The following MASP1 variants were observed in gnomAD, a reference collection of about 807,000 sequenced individuals.
MASP1 encodes MBL associated serine protease 1, also known as mannan-binding lectin serine protease 1.
MASP1 carries 59 observed loss-of-function variants against 77.1 expected under a neutral mutation model. The ratio of observed to expected loss-of-function variants is 0.77; its 90% CI spans 0.62 to 0.95. The LOEUF is 0.95. MASP1 is among the 40% of genes least tolerant of loss of function. The pLI is 0.00. For missense variants in MASP1, 885 were observed against 912.9 expected, an observed-to-expected ratio of 0.97 and a Z score of 0.39; for synonymous variants, 362 against 354.5, an observed-to-expected ratio of 1.02 and a Z score of -0.24.
Position 187,220,599 on chromosome 3 carries a change from G to T in MASP1, c.1910-338C>A, listed in dbSNP as rs186061200. Among the ~76,000 whole-genome samples the T allele has an allele frequency of 2.7e-3, 401 of 147,688 alleles. 9 individuals carry two copies. Among genetic ancestry groups the T allele is most frequent in the Admixed American group, 0.022 (324 of 14,550 alleles). The stretch of plus-strand genomic sequence containing the variant: ...AGCAACCTCTACCTCCTGGGTTCAA[G>T]TGATTCTCCCTCCTCAGCCTCCCGA... On this transcript the variant is annotated intron_variant, in intron 15 of 15. Coordinates refer to the MASP1 transcript ENST00000337774.
intron 2 of MASP1, among the ~76,000 whole-genome samples, chr3:187,279,307 G>C (rs758047063): frequency 6.6e-6 from 1 of 152,178 alleles, no homozygotes; most frequent in Non-Finnish European, 1.5e-5. Context: ...AGAATGGTGG[G>C]GACCCTACCC....
chr3:187,256,487 T>G lies in MASP1; in HGVS notation c.744+177A>C, dbSNP rs1579527105. 8.8e-6 allele frequency: 6 copies of G among 683,124 alleles called. No individual in the cohort carries two copies. In the East Asian group the frequency reaches 1.7e-4, roughly 19 times the overall value. 42.3% of individuals were successfully genotyped at this position (683,124 alleles called of 1,614,324 possible). On this transcript the variant is annotated intron_variant, in intron 5 of 10. Transcript: ENST00000296280. ...CAGTGGGGTCATTTCGGATCAGAGATTCCTGGAATAGATCTAACTAAGATG... is the reference window on the plus strand; with the variant it reads ...CAGTGGGGTCATTTCGGATCAGAGAGTCCTGGAATAGATCTAACTAAGATG...
chr3:187,226,659 A>T, intron 11 of MASP1: 1 of 695,620 alleles, frequency 1.4e-6, no homozygotes, highest in South Asian at 1.5e-5. Context: ...ATTGTATTTT[A>T]TGGCCCCCAA....
At chr3:187,224,144 A>G (rs1005131651) in intron 13 of MASP1, among the ~76,000 whole-genome samples, 1 of 152,192 alleles carries the variant, frequency 6.6e-6, no homozygotes, top group Admixed American at 6.5e-5. Context: ...CACTGAAATT[A>G]GAATGAAAAG....
At chr3:187,278,130 T>C (rs1192157714) in intron 2 of MASP1, among the ~76,000 whole-genome samples, 2 of 152,234 alleles carry the variant, frequency 1.3e-5, no homozygotes, top group East Asian at 1.9e-4. Context: ...AGTAAGTCTA[T>C]GAAATAAGCA....
exon 16 of MASP1, chr3:187,219,823 A>G: frequency 1.8e-6 from 1 of 548,424 alleles, no homozygotes; most frequent in Non-Finnish European, 3.3e-6. Flanking sequence ...AGATGAAGTC[A>G]CCTGCCCAGC....
intron 9 of MASP1, 139 bp from the exon 10 acceptor site, chr3:187,241,694 T>G: frequency 1.5e-6 from 1 of 673,918 alleles, no homozygotes; most frequent in Admixed American, 2.1e-5. Flanking sequence ...TCAGATACGA[T>G]TGTCTCTGAG....
chr3:187,241,500 G>C lies in MASP1; in HGVS notation c.1284C>G (p.Ser428Arg), dbSNP rs1252893893. The C allele has an allele frequency of 6.2e-7, 1 of 1,613,712 alleles. No individual in the cohort carries two copies. The highest frequency in any genetic ancestry group is 8.5e-7 in the Non-Finnish European group (1 of 1,179,684). Residue 428 changes from serine to arginine, a missense_variant, in exon 10 of 11, where the codon AGC (serine) becomes AGG (arginine). Coordinates refer to ENST00000296280, the MANE Select transcript of MASP1 (RefSeq NM_139125.4). ...AGGTACCTGGAAGGCAGGTGGGTAG[G>C]CTTCTCCCCAATACTTTATTCATCC... Reference protein sequence around the residue: ...GVWMNKVLGRSLPTCLPECGQ... With the variant: ...GVWMNKVLGRRLPTCLPECGQ...
chr3:187,290,628 A>C (rs1718235180), intron 1 of MASP1, among the ~76,000 whole-genome samples: 1 of 152,232 alleles, frequency 6.6e-6, no homozygotes, highest in South Asian at 2.1e-4. Flanking sequence ...GAGTTAACAT[A>C]GTCTGAAGCC....
intron 8 of MASP1, chr3:187,247,087 C>T: frequency 7.1e-7 from 1 of 1,406,138 alleles, no homozygotes. Flanking sequence ...AAAATAAATC[C>T]CACATTTTTT....
At chr3:187,244,793 T>A (rs1294151707) in intron 8 of MASP1, 1 of 152,240 alleles carries the variant, frequency 6.6e-6, no homozygotes, top group Admixed American at 6.5e-5. Context: ...CTGTCAGAAT[T>A]TCCAGAGCCC....
At chr3:187,247,622 G>T (rs1579506965) in intron 8 of MASP1, among the ~76,000 whole-genome samples, 2 of 152,310 alleles carry the variant, frequency 1.3e-5, no homozygotes, top group East Asian at 3.9e-4. Flanking sequence ...ATACATCCTG[G>T]CTCATGAGGA....
chr3:187,217,598 C>T (rs1201213062), exon 16 of MASP1: 2 of 152,154 alleles, frequency 1.3e-5, no homozygotes, highest in African/African-American at 2.4e-5. Context: ...AGTTTCTCAT[C>T]AGTAGAAATG....
intron 2 of MASP1, among the ~76,000 whole-genome samples, chr3:187,269,064 CAAAA>C (rs35550567): frequency 2.6e-5 from 3 of 115,436 alleles, no homozygotes; most frequent in Non-Finnish European, 3.6e-5. Flanking sequence ...GACACTGTCT[CAAAA>C]AAAAAAAAAA....
At chr3:187,247,091 A>ATTT in intron 8 of MASP1, 1 of 1,398,018 alleles carries the variant, frequency 7.2e-7, no homozygotes, top group Non-Finnish European at 9.3e-7. Flanking sequence ...TAAATCCCAC[A>ATTT]TTTTTTTTTC....
chr3:187,226,263 A>G (rs968898103), intron 12 of MASP1: 16 of 688,644 alleles, frequency 2.3e-5, no homozygotes, highest in Non-Finnish European at 4.0e-5. Context: ...ACTTGGACTC[A>G]GGTTCCTGGA....
In MASP1 at chr3:187,236,257, T is replaced by G. The variant is rs1319870704; in HGVS notation, c.1614A>C (p.Arg538=). 1 of 1,614,202 alleles carries G rather than the reference T, an allele frequency of 6.2e-7. No homozygotes were observed. The highest frequency in any genetic ancestry group is 1.1e-5 in the South Asian group (1 of 91,074). The change falls in exon 11 of 11, where the codon CGA becomes CGC. Residue 538 remains arginine (R), a synonymous_variant. Coordinates refer to ENST00000296280, the MANE Select transcript of MASP1 (RefSeq NM_139125.4). The part of the protein sequence containing the change: ...KSGAVNSSAA[R]VVLHPDFNIQ... ...TGTTGAAGTCTGGGTGGAGCACCAC[T>G]CGGGCAGCTGAGCTGTTGACTGCCC... is the stretch of plus-strand genomic sequence containing the variant.
chr3:187,253,094 C>A, intron 6 of MASP1, 74 bp downstream of exon 6: 1 of 1,594,736 alleles, frequency 6.3e-7, no homozygotes, highest in African/African-American at 1.3e-5. Context: ...AGCCTGCACA[C>A]CTCCTCCCTC....
chr3:187,269,557 C>T (rs1716346152), intron 2 of MASP1, among the ~76,000 whole-genome samples: 3 of 152,126 alleles, frequency 2.0e-5, no homozygotes, highest in Admixed American at 6.5e-5. Context: ...GAGGCAAGAG[C>T]CACTCTCACC....
Sources: gnomAD v4.1 joint callset for allele counts (sites outside exome capture counted in the v4.1 genomes callset) on GRCh38, gnomAD v4.1.1 for gene constraint, MANE v1.5 for transcripts, NCBI Gene and HGNC (gene_info 2026-07-23, HGNC 2026-07-21) for gene names.